The following WWOX variants were observed in gnomAD, a reference collection of about 807,000 sequenced individuals.
WWOX encodes WW domain containing oxidoreductase.
In WWOX, 69 loss-of-function variants were observed where a neutral mutation model predicts 46.2. The observed-to-expected ratio is 1.49, with a 90% CI of 1.23 to 1.82. WWOX has a LOEUF of 1.82. Among genes scored for constraint, WWOX ranks in the 40% most tolerant of loss-of-function variants. The pLI, the probability that WWOX is intolerant of heterozygous loss-of-function variation, is 0.00. For synonymous variants in WWOX, 359 were observed against 202.6 expected (o/e 1.77, Z -6.56); for missense variants, 919 against 542.6 (o/e 1.69, Z -6.89).
At chr16:79,178,357 C>T (rs1465042971) in intron 8 of WWOX, among the ~76,000 whole-genome samples, 2 of 152,110 alleles carry the variant, frequency 1.3e-5, no homozygotes, top group Non-Finnish European at 2.9e-5. Flanking sequence ...CACTGTGTCA[C>T]CCAGGCTGGA....
At chr16:78,142,437 A>C (rs2034020272) in intron 4 of WWOX, among the ~76,000 whole-genome samples, 5 of 152,336 alleles carry the variant, frequency 3.3e-5, no homozygotes, top group Non-Finnish European at 7.4e-5. Context: ...CTGCAAAAGA[A>C]CTAGAAATGC....
At chr16:78,688,938 C>G (rs972523021) in intron 8 of WWOX, among the ~76,000 whole-genome samples, 1 of 152,156 alleles carries the variant, frequency 6.6e-6, no homozygotes, top group African/African-American at 2.4e-5. Flanking sequence ...CTTGGCACCT[C>G]TCCTTCCTGC....
At chr16:78,556,392 G>C (rs755873151) in intron 8 of WWOX, among the ~76,000 whole-genome samples, 6 of 152,206 alleles carry the variant, frequency 3.9e-5, no homozygotes, top group East Asian at 1.9e-4. Flanking sequence ...ACTGGGACTT[G>C]AGAGGAGCAG....
intron 8 of WWOX, among the ~76,000 whole-genome samples, chr16:78,878,632 CTGTT>C (rs1316574129): frequency 2.6e-5 from 4 of 152,126 alleles, no homozygotes; most frequent in African/African-American, 9.7e-5. Context: ...ACCTAGCACA[CTGTT>C]TGGTGCATGT....
chr16:78,462,242 C>G (rs1484149483), intron 8 of WWOX, among the ~76,000 whole-genome samples: 1 of 147,038 alleles, frequency 6.8e-6, no homozygotes, highest in East Asian at 2.0e-4. Context: ...TGCTCACGCT[C>G]TTTTTTTTTT....
intron 8 of WWOX, among the ~76,000 whole-genome samples, chr16:78,693,557 T>C (rs1016051361): frequency 7.2e-5 from 11 of 151,888 alleles, no homozygotes; most frequent in Non-Finnish European, 2.9e-5. Flanking sequence ...AGTCATAGAG[T>C]AGTATTTCAG....
At chr16:79,038,618 C>T (rs1195880607) in intron 8 of WWOX, among the ~76,000 whole-genome samples, 1 of 152,110 alleles carries the variant, frequency 6.6e-6, no homozygotes, top group Non-Finnish European at 1.5e-5. Context: ...GGTGCAATCT[C>T]AGCTCACTGC....
At chr16:78,108,862 C>T (rs1049674625) in intron 2 of WWOX, among the ~76,000 whole-genome samples, 4 of 152,164 alleles carry the variant, frequency 2.6e-5, no homozygotes, top group African/African-American at 9.7e-5. Context: ...GTTGCATGCG[C>T]CTGTAATTCC....
At chr16:78,859,971 G>C (rs1353604750) in intron 8 of WWOX, among the ~76,000 whole-genome samples, 2 of 152,138 alleles carry the variant, frequency 1.3e-5, no homozygotes, top group Non-Finnish European at 2.9e-5. Context: ...GACATATCCA[G>C]ATAGCTATAG....
intron 8 of WWOX, among the ~76,000 whole-genome samples, chr16:79,208,354 A>C (rs1239228482): frequency 6.7e-6 from 1 of 149,906 alleles, no homozygotes; most frequent in Non-Finnish European, 1.5e-5. Flanking sequence ...TATACAACCT[A>C]CAGGCTTCTG....
chr16:78,323,200 G>A (rs2080527438), intron 5 of WWOX, among the ~76,000 whole-genome samples: 1 of 151,932 alleles, frequency 6.6e-6, no homozygotes, highest in South Asian at 2.1e-4. Context: ...TCTGCCTCCC[G>A]GGTTCACGCC....
chr16:78,918,878 T>C (rs1265258350), intron 8 of WWOX, among the ~76,000 whole-genome samples: 1 of 152,202 alleles, frequency 6.6e-6, no homozygotes, highest in African/African-American at 2.4e-5. Flanking sequence ...GCACTTTCTC[T>C]TGTCTTTTCT....
chr16:78,426,113 C>T (rs530452484), intron 7 of WWOX, among the ~76,000 whole-genome samples: 7 of 152,172 alleles, frequency 4.6e-5, no homozygotes, highest in African/African-American at 1.7e-4. Flanking sequence ...AGGTAAATGC[C>T]AGTAATAATC....
chr16:79,006,617 A>G (rs2047196204), intron 8 of WWOX, among the ~76,000 whole-genome samples: 1 of 152,000 alleles, frequency 6.6e-6, no homozygotes, highest in East Asian at 1.9e-4. Context: ...AAAAACCTAA[A>G]TGTATTATCT....
chr16:78,118,567 T>C (rs1007997656), intron 4 of WWOX, among the ~76,000 whole-genome samples: 1 of 152,172 alleles, frequency 6.6e-6, no homozygotes, highest in Non-Finnish European at 1.5e-5. Flanking sequence ...GTTGAACTAC[T>C]GTTTGTGTAT....
At chr16:78,310,280 G>C (rs2080214516) in intron 5 of WWOX, among the ~76,000 whole-genome samples, 2 of 152,182 alleles carry the variant, frequency 1.3e-5, no homozygotes, top group African/African-American at 2.4e-5. Flanking sequence ...GGCTTTTCTA[G>C]AAACGTGTGC....
At chr16:79,012,836 T>A (rs1289415875) in intron 8 of WWOX, among the ~76,000 whole-genome samples, 3 of 152,186 alleles carry the variant, frequency 2.0e-5, no homozygotes, top group Non-Finnish European at 2.9e-5. Context: ...CCCACCAACA[T>A]GGCCCGTGGC....
At chr16:79,045,349 G>C (rs1401465826) in intron 8 of WWOX, among the ~76,000 whole-genome samples, 1 of 152,168 alleles carries the variant, frequency 6.6e-6, no homozygotes, top group Non-Finnish European at 1.5e-5. Flanking sequence ...TAATTGGCAA[G>C]GATCAGCCCA....
chr16:79,142,069 C>G (rs73580961), intron 8 of WWOX, among the ~76,000 whole-genome samples: 1 of 152,124 alleles, frequency 6.6e-6, no homozygotes, highest in African/African-American at 2.4e-5. Context: ...CTCTTTTTCT[C>G]CTTCTTCTCC....
Sources: gnomAD v4.1 joint callset for allele counts (sites outside exome capture counted in the v4.1 genomes callset) on GRCh38, gnomAD v4.1.1 for gene constraint, MANE v1.5 for transcripts, NCBI Gene and HGNC (gene_info 2026-07-23, HGNC 2026-07-21) for gene names.